Variants in ATP8A2 observed in about 807,000 individuals in gnomAD.
ATP8A2 encodes the protein ATPase phospholipid transporting 8A2.
ATP8A2 carries 100 observed loss-of-function variants against 165.6 expected under a neutral mutation model. The ratio of observed to expected loss-of-function variants is 0.60; its 90% CI spans 0.51 to 0.71. The LOEUF is 0.71. ATP8A2 is among the 30% of genes least tolerant of loss of function. The pLI is 0.00. For synonymous variants in ATP8A2, 543 were observed against 548.8 expected, an observed-to-expected ratio of 0.99 and a Z score of 0.15; for missense variants, 1,227 against 1,479.5, an observed-to-expected ratio of 0.83 and a Z score of 2.80.
At chr13:25,757,891 G>A (rs1487593672) in intron 25 of ATP8A2, among the ~76,000 whole-genome samples, 1 of 152,086 alleles carries the variant, frequency 6.6e-6, no homozygotes, top group Non-Finnish European at 1.5e-5. Context: ...TCAGTGACTA[G>A]CTCTATTCTG....
intron 36 of ATP8A2, among the ~76,000 whole-genome samples, chr13:26,015,346 G>A (rs1247002700): frequency 1.3e-5 from 2 of 152,112 alleles, no homozygotes; most frequent in African/African-American, 2.4e-5. Context: ...TTCCGCCTGG[G>A]TCTGTCCAGG....
intron 2 of ATP8A2, among the ~76,000 whole-genome samples, chr13:25,494,152 G>C (rs974382275): frequency 1.3e-5 from 2 of 152,040 alleles, no homozygotes; most frequent in Non-Finnish European, 1.5e-5. Context: ...AAGGTCTGTG[G>C]CACCAAGAAC....
At chr13:25,778,853 C>T (rs1566129534) in intron 27 of ATP8A2, among the ~76,000 whole-genome samples, 1 of 152,164 alleles carries the variant, frequency 6.6e-6, no homozygotes, top group Non-Finnish European at 1.5e-5. Context: ...GATTGATGTA[C>T]AGCAAGATAA....
rs1309967057 is a variant in ATP8A2 at position 25,581,868 on chromosome 13, G to A, written c.2057G>A (p.Gly686Glu). The change falls in exon 23 of 37, where the codon GGA becomes GAA. Residue 686 changes from glycine to glutamate, a missense_variant. Around this residue, in one of 5 missense-constraint regions of ATP8A2, gnomAD observed 592 missense variants for 785.6 expected, o/e 0.75. Transcript: ENST00000381655. ...ATAIEDRLQAGVPETIATLLK... is the reference protein window; with the variant it reads ...ATAIEDRLQAEVPETIATLLK... Reference sequence around the variant, plus strand: ...GCCATAGAAGATCGCCTTCAAGCAGGAGTTCCAGAAACCATCGCAACACTG... The same window carrying A: ...GCCATAGAAGATCGCCTTCAAGCAGAAGTTCCAGAAACCATCGCAACACTG... 6.2e-7 allele frequency: 1 copy of A among 1,614,070 alleles called. No individual in the cohort carries two copies. Among genetic ancestry groups the A allele is most frequent in the Non-Finnish European group, 8.5e-7 (1 of 1,179,944 alleles).
chr13:25,728,302 A>C (rs1418912055), intron 25 of ATP8A2, among the ~76,000 whole-genome samples: 2 of 152,328 alleles, frequency 1.3e-5, no homozygotes, highest in African/African-American at 4.8e-5. Context: ...TTGTTGAAGA[A>C]ATTAGCTGGA....
chr13:25,437,893 A>C lies in ATP8A2; in HGVS notation c.77-31084A>C, dbSNP rs559756961. Reference sequence around the variant, plus strand: ...ATAATACCCAAAATGATTCTTTGCCACTGGACAACCTCCAATTTGGATATA... The same window carrying C: ...ATAATACCCAAAATGATTCTTTGCCCCTGGACAACCTCCAATTTGGATATA... On this transcript the variant is annotated intron_variant, in intron 1 of 36. Coordinates refer to ENST00000381655, the MANE Select transcript of ATP8A2 (RefSeq NM_016529.6). 2.6e-3 allele frequency among the ~76,000 whole-genome samples: 397 copies of C among 152,322 alleles called. 1 individual carries two copies. Among genetic ancestry groups the C allele is most frequent in the African/African-American group, 9.3e-3 (385 of 41,574 alleles).
intron 27 of ATP8A2, among the ~76,000 whole-genome samples, chr13:25,824,384 G>C (rs148408975): frequency 6.6e-6 from 1 of 151,928 alleles, no homozygotes; most frequent in Non-Finnish European, 1.5e-5. Flanking sequence ...TGTAACTTTC[G>C]TTGCAAAGAA....
chr13:26,006,594 T>C (rs915267994), intron 35 of ATP8A2, among the ~76,000 whole-genome samples: 1 of 152,050 alleles, frequency 6.6e-6, no homozygotes, highest in Non-Finnish European at 1.5e-5. Context: ...TTCTTGAACA[T>C]GGAAAGATGG....
chr13:25,440,783 A>G (rs1395648826), intron 1 of ATP8A2, among the ~76,000 whole-genome samples: 1 of 152,244 alleles, frequency 6.6e-6, no homozygotes, highest in Non-Finnish European at 1.5e-5. Flanking sequence ...GGTATGGATT[A>G]TAGGTCATAT....
intron 33 of ATP8A2, among the ~76,000 whole-genome samples, chr13:25,919,741 T>TGA (rs1485834803): frequency 1.3e-5 from 2 of 152,188 alleles, no homozygotes; most frequent in Non-Finnish European, 2.9e-5. Context: ...GTATCTTTCT[T>TGA]ATAGACCTCT....
intron 34 of ATP8A2, among the ~76,000 whole-genome samples, chr13:25,967,242 A>G (rs1955798352): frequency 6.6e-6 from 1 of 152,220 alleles, no homozygotes; most frequent in Non-Finnish European, 1.5e-5. Context: ...GCAGTATTTT[A>G]TCAATCCTGA....
intron 34 of ATP8A2, among the ~76,000 whole-genome samples, chr13:25,962,261 G>T (rs553811711): frequency 9.9e-5 from 15 of 152,082 alleles, no homozygotes; most frequent in African/African-American, 3.6e-4. Context: ...GGGAAGCTAT[G>T]TATAGGTAAG....
At chr13:25,837,468 C>T (rs1951646157) in intron 29 of ATP8A2, among the ~76,000 whole-genome samples, 183 bp downstream of exon 29, 1 of 136,350 alleles carries the variant, frequency 7.3e-6, no homozygotes, top group Non-Finnish European at 1.6e-5. Flanking sequence ...CACACACACA[C>T]ACGCCACAAA....
At chr13:26,010,104 CAG>C (rs1405063587) in intron 35 of ATP8A2, among the ~76,000 whole-genome samples, 2 of 152,158 alleles carry the variant, frequency 1.3e-5, no homozygotes, top group Non-Finnish European at 2.9e-5. Flanking sequence ...AAAAAGAAGA[CAG>C]AGAAAAGCAT....
chr13:26,013,732 G>T (rs1206660620), intron 36 of ATP8A2, among the ~76,000 whole-genome samples: 1 of 152,078 alleles, frequency 6.6e-6, no homozygotes, highest in African/African-American at 2.4e-5. Flanking sequence ...AAGAATCATT[G>T]TTCACACAGT....
intron 34 of ATP8A2, among the ~76,000 whole-genome samples, chr13:25,963,510 C>A (rs1281297662): frequency 1.3e-5 from 2 of 152,128 alleles, no homozygotes; most frequent in African/African-American, 4.8e-5. Context: ...TAGTCCCTTG[C>A]TGAATTTGTT....
intron 24 of ATP8A2, among the ~76,000 whole-genome samples, chr13:25,692,951 G>A (rs1447043741): frequency 6.6e-6 from 1 of 152,166 alleles, no homozygotes; most frequent in African/African-American, 2.4e-5. Context: ...ACAGTTTAAT[G>A]TTAACACCTA....
chr13:25,834,458 A>G (rs73472085), intron 28 of ATP8A2, among the ~76,000 whole-genome samples: 3,610 of 152,278 alleles, frequency 0.024, 216 homozygotes, highest in Admixed American at 0.13. Flanking sequence ...ATAGATATGT[A>G]TTACATAATG....
At chr13:25,501,018 C>T (rs2036838897) in intron 2 of ATP8A2, among the ~76,000 whole-genome samples, 1 of 152,106 alleles carries the variant, frequency 6.6e-6, no homozygotes, top group African/African-American at 2.4e-5. Flanking sequence ...CTATCTTCTT[C>T]AACCCATGTT....
Sources: gnomAD v4.1 joint callset for allele counts (sites outside exome capture counted in the v4.1 genomes callset) on GRCh38, gnomAD v4.1.1 for gene constraint, gnomAD v4.1.1 regional missense constraint, MANE v1.5 for transcripts, NCBI Gene and HGNC (gene_info 2026-07-23, HGNC 2026-07-21) for gene names.